PARVB: variants seen among roughly 807,000 people sequenced by gnomAD.
PARVB encodes parvin beta.
In PARVB, 46 loss-of-function variants were observed where a neutral mutation model predicts 47.0. The observed-to-expected ratio is 0.98, with a 90% CI of 0.77 to 1.25. PARVB has a LOEUF of 1.25. Ranked by LOEUF, PARVB falls within the 50% of genes most tolerant of loss-of-function variation. The pLI, the probability that PARVB is intolerant of heterozygous loss-of-function variation, is 0.00. For missense variants in PARVB, 473 were observed against 471.6 expected, an observed-to-expected ratio of 1.00 and a Z score of -0.03; for synonymous variants, 196 against 196.3, an observed-to-expected ratio of 1.00 and a Z score of 0.01.
At chr22:44,140,471 G>A (rs775293961) in intron 8 of PARVB, 3 of 648,646 alleles carry the variant, frequency 4.6e-6, no homozygotes. Context: ...GGGTAAAAGG[G>A]AGGGAGGAGA....
At chr22:44,134,001 C>T (rs971696102) in intron 6 of PARVB, among the ~76,000 whole-genome samples, 71 of 152,302 alleles carry the variant, frequency 4.7e-4, no homozygotes, top group Non-Finnish European at 8.2e-4. Context: ...GTGACCACTG[C>T]GGCCAGAGTT....
intron 12 of PARVB, among the ~76,000 whole-genome samples, chr22:44,164,973 C>T (rs1448392259): frequency 6.6e-6 from 1 of 152,188 alleles, no homozygotes; most frequent in South Asian, 2.1e-4. Flanking sequence ...TCACACCCTC[C>T]TGTCTCGTGT....
chr22:44,023,572 T>C (rs140708566), upstream of PARVB, among the ~76,000 whole-genome samples: 2,200 of 146,376 alleles, frequency 0.015, 64 homozygotes, highest in African/African-American at 0.045. Flanking sequence ...TAAAATAAAA[T>C]AAAATAAAAT....
intron 9 of PARVB, 60 bp downstream of exon 9, chr22:44,147,982 C>A: frequency 3.1e-6 from 4 of 1,276,418 alleles, no homozygotes; most frequent in Admixed American, 1.7e-5. Flanking sequence ...TTTGACAGCA[C>A]AAACGCCCCG....
At chr22:44,084,846 C>T (rs2051988598) in intron 1 of PARVB, among the ~76,000 whole-genome samples, 1 of 152,220 alleles carries the variant, frequency 6.6e-6, no homozygotes, top group South Asian at 2.1e-4. Flanking sequence ...AATTGGCTGC[C>T]ACTTTGTTTC....
intron 2 of PARVB, among the ~76,000 whole-genome samples, chr22:44,002,053 G>A (rs894622013): frequency 5.3e-5 from 8 of 152,268 alleles, no homozygotes; most frequent in Admixed American, 6.5e-5. Context: ...GGCCATAGGG[G>A]TGTGTTGCCT....
At chr22:44,054,085 C>G (rs764221613) in intron 1 of PARVB, among the ~76,000 whole-genome samples, 4 of 152,160 alleles carry the variant, frequency 2.6e-5, no homozygotes, top group Non-Finnish European at 4.4e-5. Flanking sequence ...ATCTGTGCAG[C>G]CTTCCTTCCT....
intron 1 of PARVB, chr22:44,086,936 C>T (rs2052037220): frequency 6.8e-6 from 4 of 586,828 alleles, no homozygotes; most frequent in South Asian, 7.5e-5. Context: ...CGAAGGATCC[C>T]GATGCCCCCT....
At chr22:44,130,448 G>C (rs1473822760) in intron 4 of PARVB, among the ~76,000 whole-genome samples, 2 of 152,240 alleles carry the variant, frequency 1.3e-5, no homozygotes, top group Admixed American at 6.5e-5. Context: ...AGGAGGTGCA[G>C]GCTGGGCTGG....
chr22:44,056,531 G>T (rs959795887), intron 1 of PARVB, among the ~76,000 whole-genome samples: 3 of 152,128 alleles, frequency 2.0e-5, no homozygotes, highest in South Asian at 4.1e-4. Context: ...TTTGAGACAG[G>T]TTCTCCCTCT....
intron 4 of PARVB, among the ~76,000 whole-genome samples, chr22:44,120,102 G>C (rs1281010992): frequency 6.6e-6 from 1 of 152,236 alleles, no homozygotes; most frequent in Non-Finnish European, 1.5e-5. Context: ...CAGCCGGGCA[G>C]CCTGGCCCCA....
At chr22:44,099,129 C>CT (rs1204636329) in intron 2 of PARVB, among the ~76,000 whole-genome samples, 1 of 152,154 alleles carries the variant, frequency 6.6e-6, no homozygotes, top group African/African-American at 2.4e-5. Flanking sequence ...CCTCTTGTGC[C>CT]TTTTTTCCTC....
At position 44,024,428 on chromosome 22, in the gene PARVB, C is replaced by G; in HGVS notation, c.89C>G (p.Ala30Gly). Residue 30 changes from alanine (A) to glycine (G), a missense_variant, in exon 1 of 13, where the codon GCC becomes GGC. Ala to Gly is a moderately conservative substitution (Grantham distance 60). Transcript: ENST00000338758. Reference sequence around the variant, plus strand: ...CTGGGCAAGCTGGGCGGCACCCTGGCCAGGAAGCGGAGGGCGCGCGAGGGT... The same window carrying G: ...CTGGGCAAGCTGGGCGGCACCCTGGGCAGGAAGCGGAGGGCGCGCGAGGGT... Reference protein sequence around the residue: ...SFLGKLGGTLARKRRAREVSD... With the variant: ...SFLGKLGGTLGRKRRAREVSD... The G allele has an allele frequency of 8.1e-7, 1 of 1,229,026 alleles. No individual in the cohort carries two copies. Among genetic ancestry groups the G allele is most frequent in the Non-Finnish European group, 1.0e-6 (1 of 974,194 alleles). 76.1% of individuals were successfully genotyped at this position (1,229,026 alleles called of 1,614,324 possible).
At chr22:44,151,220 T>C (rs978851435) in intron 9 of PARVB, 1 of 381,204 alleles carries the variant, frequency 2.6e-6, no homozygotes. Flanking sequence ...TTGTTAAATA[T>C]GTCATGCGTG....
intron 2 of PARVB, among the ~76,000 whole-genome samples, chr22:44,018,346 G>T (rs1337005219): frequency 6.6e-6 from 1 of 152,166 alleles, no homozygotes; most frequent in Admixed American, 6.5e-5. Context: ...AGGTTGCAGT[G>T]AGCTGAGGTC....
chr22:44,084,399 A>G (rs1199565308), intron 1 of PARVB, among the ~76,000 whole-genome samples: 2 of 152,208 alleles, frequency 1.3e-5, no homozygotes, highest in African/African-American at 2.4e-5. Context: ...AAGAAAAGCA[A>G]TGGTGTCCAT....
intron 12 of PARVB, among the ~76,000 whole-genome samples, chr22:44,165,087 G>A (rs1400065667): frequency 6.6e-6 from 1 of 152,126 alleles, no homozygotes. Context: ...CTTCCTCTTG[G>A]GTTCACAGCA....
intron 1 of PARVB, chr22:44,069,206 C>A (rs758088597): frequency 9.8e-6 from 15 of 1,528,872 alleles, no homozygotes; most frequent in African/African-American, 9.6e-5. Flanking sequence ...GGAGCTAAAC[C>A]CAGGCCAGCC....
upstream of PARVB, among the ~76,000 whole-genome samples, chr22:44,021,205 C>T (rs980859781): frequency 6.6e-6 from 1 of 152,184 alleles, no homozygotes; most frequent in Non-Finnish European, 1.5e-5. Flanking sequence ...GGTGAAGCCC[C>T]GCAAGGCCTG....
Sources: allele counts gnomAD v4.1 joint callset (sites outside exome capture counted in the v4.1 genomes callset), GRCh38; gene constraint gnomAD v4.1.1; transcripts MANE v1.5; gene names NCBI Gene and HGNC (gene_info 2026-07-23, HGNC 2026-07-21).